Variants in PATZ1 observed in about 807,000 individuals in gnomAD.
PATZ1 encodes POZ-, AT hook-, and zinc finger-containing protein 1.
A neutral mutation model predicts 46.2 loss-of-function variants in PATZ1; 9 were observed. The observed-to-expected ratio is 0.19, with a 90% CI of 0.12 to 0.34. The LOEUF (loss-of-function observed/expected upper bound fraction) is 0.34, where lower values mean the gene tolerates loss of function less well. Ranked by LOEUF, PATZ1 falls within the 10% of genes least tolerant of loss-of-function variation. The probability of loss-of-function intolerance (pLI) is 1.00; values close to 1 mark genes in which losing one functional copy is unlikely to be tolerated. For synonymous variants in PATZ1, 426 were observed against 378.6 expected, an observed-to-expected ratio of 1.13 and a Z score of -1.45; for missense variants, 632 against 923.0, an observed-to-expected ratio of 0.68 and a Z score of 4.08.
Position 31,327,320 on chromosome 22 carries a change from A to C in PATZ1, c.1646-11T>G. 1 of 1,610,322 alleles carries C rather than the reference A, an allele frequency of 6.2e-7. No individual in the cohort carries two copies. Among genetic ancestry groups the C allele is most frequent in the Non-Finnish European group, 8.5e-7 (1 of 1,177,872 alleles). ...AGCATTTCTGGCCTTCTACGAAAAAACAAAATATAGGAGAGCGATGAGGCC... is the reference window on the plus strand; with the variant it reads ...AGCATTTCTGGCCTTCTACGAAAAACCAAAATATAGGAGAGCGATGAGGCC... On this transcript the variant is annotated splice_polypyrimidine_tract_variant and intron_variant, in intron 4 of 4. Transcript: ENST00000266269. The surrounding 1 kb of genome is among the most constrained non-coding windows in gnomAD (Gnocchi z 4.2).
In PATZ1 at chr22:31,345,738, G is replaced by C; in HGVS notation, c.-136C>G. 1 of 881,270 alleles carries C rather than the reference G, an allele frequency of 1.1e-6. No individual in the cohort carries two copies. The highest frequency in any genetic ancestry group is 1.7e-6 in the Non-Finnish European group (1 of 597,698). The allele number at this position is 881,270 out of a possible 1,614,324, so 54.6% of individuals were successfully genotyped here. On this transcript the variant is annotated 5_prime_UTR_variant, in exon 1 of 5. Transcript: ENST00000266269. This position sits in a 1 kb window ranked among gnomAD's most constrained non-coding sequence, Gnocchi z 7.4. ...CGGCCCGAGGCTCTGTAGTCTCGCA[G>C]GTGCGCCGAGTGTACACGCCCCCAG...
At chr22:31,335,621 G>A in intron 3 of PATZ1, 71 bp downstream of exon 3, 2 of 1,453,012 alleles carry the variant, frequency 1.4e-6, no homozygotes, top group Non-Finnish European at 1.9e-6. Context: ...CAGGGTGATT[G>A]AGACACCCCT....
In PATZ1 at chr22:31,345,301, C is replaced by T; in HGVS notation, c.302G>A (p.Ser101Asn). The part of the protein sequence containing the change: ...TAAPGGGAGG[S>N]RELEMHTISS... ...GATAGTGTGCATCTCCAGCTCCCGG[C>T]TGCCCCCGGCCCCGCCGCCTGGTGC... Residue 101 changes from serine to asparagine, a missense_variant, in exon 1 of 5, where the codon AGC becomes AAC. Ser to Asn is a conservative substitution (Grantham distance 46). Coordinates refer to ENST00000266269, the MANE Select transcript of PATZ1 (RefSeq NM_014323.3). This position sits in a 1 kb window ranked among gnomAD's most constrained non-coding sequence, Gnocchi z 7.4. 6.2e-7 allele frequency: 1 copy of T among 1,611,328 alleles called. No homozygotes were observed. The highest frequency in any genetic ancestry group is 2.2e-5 in the East Asian group (1 of 44,810).
Position 31,328,897 on chromosome 22 carries a change from A to G in PATZ1, c.1535T>C (p.Val512Ala), listed in dbSNP as rs1468867855. Residue 512 changes from valine (V) to alanine (A), a missense_variant, in exon 4 of 5, where the codon GTC (valine) becomes GCC (alanine). Transcript: ENST00000266269. The surrounding 1 kb of genome is among the most constrained non-coding windows in gnomAD (Gnocchi z 4.8). ...AACACCGTGGTGGGTTTTAACATGG[A>G]CCTTTAAGTAGGAGGCAGAGGAGAA... ...RGFSSASYLK[V>A]HVKTHHGVPL... The G allele has an allele frequency of 1.2e-6, 2 of 1,613,876 alleles. No homozygotes were observed. The highest frequency in any genetic ancestry group is 8.5e-7 in the Non-Finnish European group (1 of 1,179,966).
In PATZ1 at chr22:31,328,828, C is replaced by A. The variant is rs2049400630; in HGVS notation, c.1604G>T (p.Gly535Val). Residue 535 changes from glycine to valine, a missense_variant, in exon 4 of 5, where the codon GGG becomes GTG. Gly to Val is a moderately radical substitution (Grantham distance 109). This residue lies in a region of PATZ1 where 176 missense variants were observed against 249.4 expected (regional missense o/e 0.71). Transcript: ENST00000266269. The surrounding 1 kb of genome is among the most constrained non-coding windows in gnomAD (Gnocchi z 4.8). ...VSRHQEPILN[G>V]GAAFHCARTY... ...CCTGGCGCAGTGGAACGCTGCTCCC[C>A]CATTCAGGATGGGCTCCTGGTGCCT... 1 of 1,613,710 alleles carries A rather than the reference C, an allele frequency of 6.2e-7. No individual in the cohort carries two copies. Among genetic ancestry groups the A allele is most frequent in the Non-Finnish European group, 8.5e-7 (1 of 1,179,766 alleles).
At position 31,344,517 on chromosome 22, in the gene PATZ1, C is replaced by G. The variant is rs1159333264; in HGVS notation, c.1086G>C (p.Lys362Asn). 1 of 1,614,236 alleles carries G rather than the reference C, an allele frequency of 6.2e-7. No homozygotes were observed. The highest frequency in any genetic ancestry group is 1.1e-5 in the South Asian group (1 of 91,088). The change falls in exon 1 of 5, where the codon AAG becomes AAC. Residue 362 changes from lysine (K) to asparagine (N), a missense_variant. Around this residue, in one of 7 missense-constraint regions of PATZ1, gnomAD observed 279 missense variants for 284.3 expected, o/e 0.98. Transcript: ENST00000266269. ...TAAGATGATACACATCACGGAAGAT[C>G]TTGCCGCAGATCTCACAAGCCACCT... ...RKQVACEICGKIFRDVYHLNR... is the reference protein window; with the variant it reads ...RKQVACEICGNIFRDVYHLNR...
chr22:31,334,270 A>G lies in PATZ1; in HGVS notation c.1507+1422T>C, dbSNP rs553416272. ...CTGCATGCGCAAGCCCACCGCTTGC[A>G]ACCTGGAGGAAGCTCCTGTCAGCAA... On this transcript the variant is annotated intron_variant, in intron 3 of 4. Transcript: ENST00000266269. 2.9e-4 allele frequency among the ~76,000 whole-genome samples: 44 copies of G among 152,340 alleles called. No individual in the cohort carries two copies. In the South Asian group the frequency reaches 8.7e-3, roughly 30 times the overall value.
intron 2 of PATZ1, among the ~76,000 whole-genome samples, chr22:31,342,060 C>A (rs2049589444): frequency 6.6e-6 from 1 of 152,140 alleles, no homozygotes; most frequent in Non-Finnish European, 1.5e-5. Context: ...GCAGTGCACA[C>A]CCCACAATCA....
chr22:31,341,416 G>A (rs772457483), intron 2 of PATZ1: 1 of 1,550,290 alleles, frequency 6.5e-7, no homozygotes, highest in African/African-American at 1.4e-5. Context: ...TAGCCAACAG[G>A]CCACTGGGTA....
At chr22:31,335,884 G>A (rs752286205) in intron 2 of PATZ1, 21 bp from the exon 3 acceptor site, 2 of 1,607,648 alleles carry the variant, frequency 1.2e-6, no homozygotes, top group East Asian at 2.2e-5. Flanking sequence ...AAAAGAAAAT[G>A]GGATGATGTG....
Position 31,345,118 on chromosome 22 carries a change from T to A in PATZ1, c.485A>T (p.Gln162Leu). The change falls in exon 1 of 5, where the codon CAG becomes CTG. Residue 162 changes from glutamine (Q) to leucine (L), a missense_variant. Transcript: ENST00000266269. This position sits in a 1 kb window ranked among gnomAD's most constrained non-coding sequence, Gnocchi z 7.4. ...GGCGCGGGCAGGGGGTACCAGGATC[T>A]GTACGTTGGACTGTTTGATGACTTC... is the stretch of plus-strand genomic sequence containing the variant. ...CQEVIKQSNV[Q>L]ILVPPARADI... The A allele has an allele frequency of 6.2e-7, 1 of 1,614,188 alleles. No homozygotes were observed. Among genetic ancestry groups the A allele is most frequent in the Non-Finnish European group, 8.5e-7 (1 of 1,180,024 alleles).
intron 2 of PATZ1, among the ~76,000 whole-genome samples, chr22:31,342,383 C>T (rs893316950): frequency 9.9e-5 from 15 of 152,078 alleles, no homozygotes; most frequent in African/African-American, 3.4e-4. Context: ...AGGGGACCAC[C>T]CACTCCCTAC....
rs71319182 is a variant in PATZ1, at chr22:31,333,476, CTTTTTTTTTT to C, written c.1507+2206_1507+2215del. Among the ~76,000 whole-genome samples the C allele has an allele frequency of 9.9e-3, 1,269 of 128,758 alleles. 18 individuals are homozygous for C. The highest frequency in any genetic ancestry group is 0.016 in the Non-Finnish European group (978 of 61,866). 84.5% of individuals were successfully genotyped at this position (128,758 alleles called of 152,430 possible). On this transcript the variant is annotated intron_variant, in intron 3 of 4. Transcript: ENST00000266269. ...GCTCAGAAAGAACTTTATCCTCTTC[CTTTTTTTTTT>C]TTTTTTTTTTTGTCTCTTCCTATTT...
chr22:31,344,184 A>C lies in PATZ1; in HGVS notation c.1271+148T>G. ...GTCTCAGGCATACCATCTCAAAATA[A>C]GGGCCCTTAAAAACACTCTACCCAA... On this transcript the variant is annotated intron_variant, in intron 1 of 4. Transcript: ENST00000266269. 4 of 694,522 alleles carry C rather than the reference A, an allele frequency of 5.8e-6. No individual in the cohort carries two copies. The South Asian group carries it at 7.7e-5, about 13-fold the overall frequency. 43.0% of individuals were successfully genotyped at this position (694,522 alleles called of 1,614,324 possible).
chr22:31,331,824 T>C (rs2049447362), intron 3 of PATZ1, among the ~76,000 whole-genome samples: 1 of 152,118 alleles, frequency 6.6e-6, no homozygotes, highest in South Asian at 2.1e-4. Flanking sequence ...AGATGCTCAA[T>C]AAAAACTTGC....
rs773364611 is a variant in PATZ1, at chr22:31,345,510, G to A, written c.93C>T (p.Asn31=). The A allele has an allele frequency of 2.5e-6, 4 of 1,613,250 alleles. No homozygotes were observed. Among genetic ancestry groups the A allele is most frequent in the South Asian group, 2.2e-5 (2 of 91,084 alleles). The change falls in exon 1 of 5, where the codon AAC becomes AAT. Residue 31 remains asparagine (N), a synonymous_variant. Transcript: ENST00000266269. The surrounding 1 kb of genome is among the most constrained non-coding windows in gnomAD (Gnocchi z 7.4). ...AGCGCCCGCCGTTTTTGCGCTGCTG[G>A]TTCAGGTTGTGCAGCATCTCCGTGC... ...RHSTEMLHNL[N]QQRKNGGRFC...
At chr22:31,335,636 C>G in intron 3 of PATZ1, 56 bp downstream of exon 3, 1 of 1,550,102 alleles carries the variant, frequency 6.5e-7, no homozygotes, top group Non-Finnish European at 8.9e-7. Context: ...ACCCCTAGGC[C>G]TCCCATACAC....
intron 1 of PATZ1, 134 bp downstream of exon 1, chr22:31,344,196 AAC>A: frequency 1.3e-6 from 1 of 797,328 alleles, no homozygotes. Flanking sequence ...GGCCCTTAAA[AAC>A]ACTCTACCCA....
intron 1 of PATZ1, 76 bp downstream of exon 1, chr22:31,344,255 AC>A: frequency 1.5e-6 from 2 of 1,337,584 alleles, no homozygotes; most frequent in Non-Finnish European, 1.0e-6. Context: ...CAAATCCCAC[AC>A]CCCCAGATCT....
Sources: gnomAD v4.1 joint callset for allele counts (sites outside exome capture counted in the v4.1 genomes callset) on GRCh38, gnomAD v4.1.1 for gene constraint, gnomAD v4.1.1 regional missense constraint, Gnocchi (gnomAD v3.1) non-coding constraint, MANE v1.5 for transcripts, NCBI Gene and HGNC (gene_info 2026-07-23, HGNC 2026-07-21) for gene names.